Variants in RNF150 observed in about 807,000 individuals in gnomAD.
The protein encoded by RNF150 is ring finger protein 150.
Under a neutral mutation model 39.3 loss-of-function variants are expected in RNF150, and 24 were observed. The observed-to-expected ratio is 0.61, with a 90% confidence interval of 0.44 to 0.86. The LOEUF (loss-of-function observed/expected upper bound fraction) is 0.86. Among genes scored for constraint, RNF150 ranks in the 40% least tolerant of loss-of-function variants. RNF150 has a pLI of 0.00. For missense variants in RNF150, 502 were observed against 587.8 expected, an observed-to-expected ratio of 0.85 and a Z score of 1.51; for synonymous variants, 255 against 227.3, an observed-to-expected ratio of 1.12 and a Z score of -1.10.
intron 5 of RNF150, among the ~76,000 whole-genome samples, chr4:140,922,161 A>T (rs1276853293): frequency 1.3e-5 from 2 of 151,806 alleles, no homozygotes; most frequent in Non-Finnish European, 2.9e-5. Context: ...TTCAATTAGG[A>T]AAAGAGGAAG....
At position 141,112,559 on chromosome 4, in the gene RNF150, T is replaced by G. The variant is rs568050145; in HGVS notation, c.484+19766A>C. ...AAGCATGTTGAATATTGGCCCCCAC[T>G]CTCTTCTGGTTGTAGGGTTTCTGCA... On this transcript the variant is annotated intron_variant, in intron 1 of 6. Coordinates refer to ENST00000515673, the MANE Select transcript of RNF150 (RefSeq NM_020724.2). 2.0e-5 allele frequency among the ~76,000 whole-genome samples: 3 copies of G among 152,286 alleles called. No homozygotes were observed. In the South Asian group the frequency reaches 6.2e-4, roughly 32 times the overall value.
At chr4:141,012,557 G>T (rs976884010) in intron 1 of RNF150, among the ~76,000 whole-genome samples, 11 of 151,962 alleles carry the variant, frequency 7.2e-5, no homozygotes, top group African/African-American at 1.7e-4. Context: ...CTTTGGAAGG[G>T]ATTTTGGTGC....
intron 1 of RNF150, among the ~76,000 whole-genome samples, chr4:141,176,785 A>C (rs979412488): frequency 2.6e-5 from 4 of 152,350 alleles, no homozygotes; most frequent in Admixed American, 2.6e-4. Context: ...ATTAATAAAA[A>C]TTTAAAATAC....
chr4:140,893,987 G>A (rs1277931513), intron 6 of RNF150, among the ~76,000 whole-genome samples: 3 of 152,102 alleles, frequency 2.0e-5, no homozygotes, highest in African/African-American at 7.2e-5. Flanking sequence ...TTAACATGGG[G>A]GTTAAGGTTT....
chr4:141,165,258 T>C (rs935211795), intron 1 of RNF150, among the ~76,000 whole-genome samples: 9 of 152,106 alleles, frequency 5.9e-5, no homozygotes, highest in Non-Finnish European at 1.5e-5. Flanking sequence ...CTACCCTAAA[T>C]ATATATGCAC....
At chr4:141,181,193 C>T (rs1008656487) in intron 1 of RNF150, among the ~76,000 whole-genome samples, 2 of 152,128 alleles carry the variant, frequency 1.3e-5, no homozygotes, top group Admixed American at 6.6e-5. Context: ...CTTGTGCAGT[C>T]ACCCAGTGCC....
chr4:141,181,936 G>T (rs1297094218), intron 1 of RNF150, among the ~76,000 whole-genome samples: 1 of 152,166 alleles, frequency 6.6e-6, no homozygotes, highest in Non-Finnish European at 1.5e-5. Context: ...TTATTTACCT[G>T]TTACCTTCTA....
chr4:141,025,497 T>C (rs1162494858), intron 1 of RNF150, among the ~76,000 whole-genome samples: 1 of 151,494 alleles, frequency 6.6e-6, no homozygotes, highest in Non-Finnish European at 1.5e-5. Context: ...AAAAAAGTAC[T>C]CAAAGATATT....
rs1476407182 is a variant in RNF150 at position 141,132,514 on chromosome 4, G to A, written c.295C>T (p.Arg99Cys). 2 of 1,604,152 alleles carry A rather than the reference G, an allele frequency of 1.2e-6. No individual in the cohort carries two copies. The highest frequency in any genetic ancestry group is 1.7e-6 in the Non-Finnish European group (2 of 1,176,364). Residue 99 changes from arginine to cysteine, a missense_variant, in exon 1 of 7, where the codon CGC (arginine) becomes TGC (cysteine). Transcript: ENST00000515673. This position sits in a 1 kb window ranked among gnomAD's most constrained non-coding sequence, Gnocchi z 4.9. The part of the protein sequence containing the change: ...EVVMASSAHD[R>C]LACDPNTKFA... ...TTGGTGTTGGGGTCGCAGGCCAGGC[G>A]GTCGTGGGCCGAGCTGGCCATGACC...
intron 1 of RNF150, among the ~76,000 whole-genome samples, chr4:141,190,047 C>T (rs1728077712): frequency 6.6e-6 from 1 of 152,196 alleles, no homozygotes. Flanking sequence ...TCCCTCATGG[C>T]ACAGTCCCTT....
At chr4:140,968,917 G>C (rs1579013682) in intron 1 of RNF150, among the ~76,000 whole-genome samples, 1 of 151,868 alleles carries the variant, frequency 6.6e-6, no homozygotes, top group Middle Eastern at 3.4e-3. Context: ...CAAATCCAGG[G>C]AGAAAGATGC....
intron 1 of RNF150, among the ~76,000 whole-genome samples, chr4:141,160,161 A>G (rs1489989619): frequency 6.6e-6 from 1 of 152,212 alleles, no homozygotes; most frequent in Non-Finnish European, 1.5e-5. Context: ...GCATGCTAAA[A>G]CTTGAAAAAT....
At chr4:141,004,680 G>A (rs1324739008) in intron 1 of RNF150, among the ~76,000 whole-genome samples, 2 of 152,068 alleles carry the variant, frequency 1.3e-5, no homozygotes, top group Non-Finnish European at 2.9e-5. Flanking sequence ...TACATATTTT[G>A]TAACTAAAAA....
At position 141,132,643 on chromosome 4, in the gene RNF150, C is replaced by T. The variant is rs1034295009; in HGVS notation, c.166G>A (p.Gly56Arg). The change falls in exon 1 of 7, where the codon GGG becomes AGG. Residue 56 changes from glycine (G) to arginine (R), a missense_variant. By Grantham distance (125) the Gly-to-Arg change is moderately radical. Coordinates refer to ENST00000515673, the MANE Select transcript of RNF150 (RefSeq NM_020724.2). The surrounding 1 kb of genome is among the most constrained non-coding windows in gnomAD (Gnocchi z 4.9). ...ITYAEPAPDP[G>R]AGAAGGGGAE... ...CCGCCGCCGCCCGCCGCCCCGGCCC[C>T]GGGGTCCGGCGCGGGCTCGGCGTAG... 7 of 1,598,480 alleles carry T rather than the reference C, an allele frequency of 4.4e-6. No homozygotes were observed. In the African/African-American group the frequency reaches 9.6e-5, roughly 22 times the overall value.
chr4:140,957,489 G>A (rs1396128802), intron 2 of RNF150, among the ~76,000 whole-genome samples: 1 of 152,184 alleles, frequency 6.6e-6, no homozygotes, highest in Non-Finnish European at 1.5e-5. Context: ...GGAAGTCGGT[G>A]TGGCGATTCC....
upstream of RNF150, among the ~76,000 whole-genome samples, chr4:141,136,951 G>C (rs1727037383): frequency 6.6e-6 from 1 of 152,146 alleles, no homozygotes; most frequent in Non-Finnish European, 1.5e-5. Flanking sequence ...GTGGCTATTT[G>C]GGGGACTGGT....
At chr4:141,092,780 C>T (rs1738635274) in intron 1 of RNF150, among the ~76,000 whole-genome samples, 1 of 151,396 alleles carries the variant, frequency 6.6e-6, no homozygotes, top group Non-Finnish European at 1.5e-5. Flanking sequence ...AAAAGCATAC[C>T]TATTGTAAAT....
chr4:140,935,037 A>ATG (rs1181015128), intron 4 of RNF150, among the ~76,000 whole-genome samples: 15 of 4,038 alleles, frequency 3.7e-3, no homozygotes, highest in African/African-American at 6.7e-3. Context: ...TTTATAATAT[A>ATG]TATATATAAA....
At position 141,036,975 on chromosome 4, in the gene RNF150, A is replaced by G. The variant is rs1007110299; in HGVS notation, c.485-69102T>C. 5.3e-5 allele frequency among the ~76,000 whole-genome samples: 8 copies of G among 152,170 alleles called. No individual in the cohort carries two copies. The East Asian group carries it at 1.2e-3, about 22-fold the overall frequency. On this transcript the variant is annotated intron_variant, in intron 1 of 6. Coordinates refer to ENST00000515673, the MANE Select transcript of RNF150 (RefSeq NM_020724.2). The stretch of plus-strand genomic sequence containing the variant: ...TTTCTAACAAGCATTCCATTCTCCA[A>G]CAGACTGAGTTCCAGGCTTTCACCC...
Sources: gnomAD v4.1 joint callset for allele counts (sites outside exome capture counted in the v4.1 genomes callset) on GRCh38, gnomAD v4.1.1 for gene constraint, Gnocchi (gnomAD v3.1) non-coding constraint, MANE v1.5 for transcripts, NCBI Gene and HGNC (gene_info 2026-07-23, HGNC 2026-07-21) for gene names.